CMSS1: variants seen among roughly 807,000 people sequenced by gnomAD.
CMSS1 encodes the protein protein CMSS1.
In CMSS1, 33 loss-of-function variants were observed where a neutral mutation model predicts 43.5. The observed-to-expected ratio is 0.76, with a 90% CI of 0.57 to 1.01. The LOEUF is 1.01. Ranked by LOEUF, CMSS1 falls within the 50% of genes least tolerant of loss-of-function variation. The pLI is 0.00. For missense variants in CMSS1, 313 were observed against 326.4 expected (o/e 0.96, Z 0.32); for synonymous variants, 115 against 117.2 (o/e 0.98, Z 0.12).
chr3:99,935,089 A>G (rs1707618599), intron 1 of CMSS1, among the ~76,000 whole-genome samples: 1 of 152,260 alleles, frequency 6.6e-6, no homozygotes, highest in South Asian at 2.1e-4. Context: ...ATAATTAAGT[A>G]TCTAGAGGAA....
intron 1 of CMSS1, among the ~76,000 whole-genome samples, chr3:99,827,868 T>C (rs1942566005): frequency 6.6e-6 from 1 of 152,210 alleles, no homozygotes; most frequent in African/African-American, 2.4e-5. Context: ...ACTCCCAAAG[T>C]GCTGGGATTA....
intron 1 of CMSS1, among the ~76,000 whole-genome samples, chr3:99,906,244 T>TC (rs1396205775): frequency 6.6e-6 from 1 of 152,196 alleles, no homozygotes; most frequent in Non-Finnish European, 1.5e-5. Flanking sequence ...GCTGTAGTAC[T>TC]CCCTCGTTGT....
intron 1 of CMSS1, among the ~76,000 whole-genome samples, chr3:100,067,276 T>A (rs2065682928): frequency 6.6e-6 from 1 of 152,220 alleles, no homozygotes; most frequent in Admixed American, 6.5e-5. Flanking sequence ...TGACCTTTTC[T>A]CTCTTCTTGG....
chr3:99,878,865 T>G (rs567953802), intron 1 of CMSS1, among the ~76,000 whole-genome samples: 1 of 152,360 alleles, frequency 6.6e-6, no homozygotes, highest in African/African-American at 2.4e-5. Context: ...TAGACTTTTA[T>G]TTCCTTCCCT....
At chr3:99,852,380 T>C (rs1013927706) in intron 1 of CMSS1, among the ~76,000 whole-genome samples, 3 of 152,230 alleles carry the variant, frequency 2.0e-5, no homozygotes, top group African/African-American at 7.2e-5. Flanking sequence ...TGCATGTCTA[T>C]CATCCTTATC....
chr3:99,848,088 T>G lies in CMSS1; in HGVS notation c.64+30045T>G, dbSNP rs1035253867. On this transcript the variant is annotated intron_variant, in intron 1 of 9. Transcript: ENST00000421999. ...ATACAAGTATGTAAATGAAAAGATA[T>G]ACAGTAAGTGCACACTCGATATGAC... 4 of 1,373,898 alleles carry G rather than the reference T, an allele frequency of 2.9e-6. No individual in the cohort carries two copies. In the African/African-American group the frequency reaches 5.8e-5, roughly 20 times the overall value. The allele number at this position is 1,373,898 out of a possible 1,614,324, so 85.1% of individuals were successfully genotyped here. A position where few individuals can be genotyped will look rare whatever the true frequency, so the allele number is the denominator to read the frequency against.
intron 1 of CMSS1, among the ~76,000 whole-genome samples, chr3:100,113,832 C>T (rs2066530076): frequency 6.6e-6 from 1 of 152,170 alleles, no homozygotes; most frequent in African/African-American, 2.4e-5. Context: ...TATAGTAAAA[C>T]TTACCTACTG....
chr3:99,972,426 G>A (rs577094920), intron 1 of CMSS1, among the ~76,000 whole-genome samples: 8 of 152,232 alleles, frequency 5.3e-5, no homozygotes, highest in Non-Finnish European at 8.8e-5. Flanking sequence ...CAGCAGCATC[G>A]GAAACGTCCC....
At chr3:100,041,100 G>C (rs1427328082) in intron 1 of CMSS1, 1 of 152,148 alleles carries the variant, frequency 6.6e-6, no homozygotes, top group African/African-American at 2.4e-5. Flanking sequence ...GATCACAGAA[G>C]GGTGACTGCC....
rs185283166 is a variant in CMSS1 at position 100,002,813 on chromosome 3, A to G, written c.65-144160A>G. Among the ~76,000 whole-genome samples the G allele has an allele frequency of 1.2e-4, 19 of 152,212 alleles. No homozygotes were observed. The East Asian group carries it at 1.9e-3, about 15-fold the overall frequency. Reference sequence around the variant, plus strand: ...ATCTCTAGTTATACATCCCACCCCTATGACTTCCCCTCTAAAGCATGATTT... The same window carrying G: ...ATCTCTAGTTATACATCCCACCCCTGTGACTTCCCCTCTAAAGCATGATTT... On this transcript the variant is annotated intron_variant, in intron 1 of 9. Transcript: ENST00000421999.
intron 1 of CMSS1, among the ~76,000 whole-genome samples, chr3:99,927,042 T>A (rs1707315195): frequency 6.6e-6 from 1 of 152,172 alleles, no homozygotes; most frequent in Non-Finnish European, 1.5e-5. Context: ...CTTGGCCCCA[T>A]CTTCACTCCA....
chr3:100,172,483 C>T (rs1576121878), intron 8 of CMSS1, 80 bp downstream of exon 8: 2 of 1,062,282 alleles, frequency 1.9e-6, no homozygotes, highest in East Asian at 4.8e-5. Context: ...AAACTAAATT[C>T]AGGATATACA....
chr3:100,037,958 G>GGC (rs2065137346), intron 1 of CMSS1, among the ~76,000 whole-genome samples: 2 of 10,052 alleles, frequency 2.0e-4, no homozygotes, highest in Admixed American at 2.2e-3. Context: ...TTTTTTTTTG[G>GGC]GGGGGGAGGG....
intron 1 of CMSS1, among the ~76,000 whole-genome samples, chr3:100,056,084 A>G (rs1301341379): frequency 6.6e-6 from 1 of 152,206 alleles, no homozygotes; most frequent in Non-Finnish European, 1.5e-5. Context: ...AGTGCAAGCT[A>G]TGGTATACCA....
intron 1 of CMSS1, among the ~76,000 whole-genome samples, chr3:100,085,731 A>G (rs992641216): frequency 6.6e-6 from 1 of 152,180 alleles, no homozygotes; most frequent in African/African-American, 2.4e-5. Context: ...TTTGTCTGTC[A>G]TCTGGGAATC....
chr3:100,077,819 G>A (rs2065873524), intron 1 of CMSS1, among the ~76,000 whole-genome samples: 2 of 152,046 alleles, frequency 1.3e-5, no homozygotes, highest in Non-Finnish European at 2.9e-5. Flanking sequence ...GAGACAGGAG[G>A]ATCACTTGAG....
At chr3:99,909,825 T>C (rs111599877) in intron 1 of CMSS1, among the ~76,000 whole-genome samples, 6 of 152,336 alleles carry the variant, frequency 3.9e-5, no homozygotes, top group African/African-American at 1.4e-4. Context: ...AATTCTGAAA[T>C]TGCATGGAGA....
chr3:100,083,128 G>T (rs2065957152), intron 1 of CMSS1, among the ~76,000 whole-genome samples: 1 of 152,094 alleles, frequency 6.6e-6, no homozygotes, highest in Non-Finnish European at 1.5e-5. Context: ...CAGACATATT[G>T]GCAGTCAGTA....
intron 1 of CMSS1, among the ~76,000 whole-genome samples, chr3:99,818,723 A>T (rs1269067427): frequency 6.6e-6 from 1 of 152,244 alleles, no homozygotes; most frequent in Non-Finnish European, 1.5e-5. Context: ...ATGTCAAGTA[A>T]CTTGACAAGT....
Sources: gnomAD v4.1 joint callset for allele counts (sites outside exome capture counted in the v4.1 genomes callset) on GRCh38, gnomAD v4.1.1 for gene constraint, MANE v1.5 for transcripts, NCBI Gene and HGNC (gene_info 2026-07-23, HGNC 2026-07-21) for gene names.